Variants in PLEKHA8 observed in about 807,000 individuals in gnomAD.
PLEKHA8 encodes the protein pleckstrin homology domain containing A8.
A neutral mutation model predicts 68.2 loss-of-function variants in PLEKHA8; 36 were observed. The ratio of observed to expected loss-of-function variants is 0.53; its 90% CI spans 0.40 to 0.70. The LOEUF (loss-of-function observed/expected upper bound fraction) is 0.70. Among genes scored for constraint, PLEKHA8 ranks in the 30% least tolerant of loss-of-function variants. The probability of loss-of-function intolerance (pLI) is 0.00; values close to 1 mark genes in which losing one functional copy is unlikely to be tolerated. For synonymous variants in PLEKHA8, 211 were observed against 216.1 expected (o/e 0.98, Z 0.20); for missense variants, 505 against 615.4 (o/e 0.82, Z 1.90).
chr7:30,084,977 C>T (rs184336568), downstream of PLEKHA8, among the ~76,000 whole-genome samples: 178 of 149,462 alleles, frequency 1.2e-3, 1 homozygote, highest in African/African-American at 4.3e-3. Context: ...GGCAGTCTTG[C>T]TCTGTTGCCC....
intron 13 of PLEKHA8, among the ~76,000 whole-genome samples, chr7:30,102,423 A>G (rs1283578869): frequency 6.6e-6 from 1 of 152,186 alleles, no homozygotes; most frequent in African/African-American, 2.4e-5. Context: ...ACTCCTAGGT[A>G]TAGACTCGAG....
chr7:30,044,164 G>A (rs1182404855), intron 1 of PLEKHA8, among the ~76,000 whole-genome samples: 2 of 151,632 alleles, frequency 1.3e-5, no homozygotes, highest in African/African-American at 2.4e-5. Context: ...TTGCCGCCAC[G>A]CCCAGCTAAT....
chr7:30,040,960 C>T (rs1250214177), intron 1 of PLEKHA8, among the ~76,000 whole-genome samples: 1 of 152,150 alleles, frequency 6.6e-6, no homozygotes, highest in Non-Finnish European at 1.5e-5. Context: ...TAGTACAGAC[C>T]AACAGTTTTC....
intron 12 of PLEKHA8, among the ~76,000 whole-genome samples, chr7:30,073,104 C>A (rs1794368811): frequency 2.0e-5 from 3 of 152,078 alleles, no homozygotes; most frequent in Non-Finnish European, 4.4e-5. Flanking sequence ...GTTTCAAAAT[C>A]TCCTTTTAAA....
rs560742511 is a variant in PLEKHA8, at chr7:30,084,014, T to C, written c.*5227T>C. The C allele has an allele frequency of 2.3e-5, 23 of 985,428 alleles. No homozygotes were observed. The African/African-American group carries it at 3.8e-4, about 16-fold the overall frequency. 61.0% of individuals were successfully genotyped at this position (985,428 alleles called of 1,614,324 possible). ...CCAGTTCCATGGCATGTTTAATGTA[T>C]AATTCCCATGTATCATGAGAATTTC... On this transcript the variant is annotated 3_prime_UTR_variant, in exon 14 of 14. Coordinates refer to ENST00000449726, the MANE Select transcript of PLEKHA8 (RefSeq NM_001197026.2).
At chr7:30,055,476 C>T (rs1356176829) in intron 9 of PLEKHA8, 134 bp downstream of exon 9, 14 of 737,768 alleles carry the variant, frequency 1.9e-5, no homozygotes, top group Non-Finnish European at 3.1e-5. Context: ...TCACCAGACA[C>T]ATACAGTTAA....
downstream of PLEKHA8, among the ~76,000 whole-genome samples, chr7:30,093,855 A>C (rs1289030297): frequency 6.6e-6 from 1 of 152,206 alleles, no homozygotes; most frequent in Non-Finnish European, 1.5e-5. Context: ...TGGACTTGGA[A>C]TGGTCAGATT....
intron 13 of PLEKHA8, chr7:30,116,058 A>G (rs1796522333): frequency 1.4e-5 from 2 of 143,934 alleles, no homozygotes; most frequent in South Asian, 2.2e-4. Flanking sequence ...ATACATACGT[A>G]TGCATACGTA....
chr7:30,116,258 A>G (rs964438975), intron 13 of PLEKHA8, among the ~76,000 whole-genome samples: 5 of 151,178 alleles, frequency 3.3e-5, no homozygotes, highest in East Asian at 1.9e-4. Flanking sequence ...GTACACGTAT[A>G]CATGCATACA....
Position 30,126,883 on chromosome 7 carries a change from C to T in PLEKHA8, c.1363-2383C>T, listed in dbSNP as rs181900766. Among the ~76,000 whole-genome samples the T allele has an allele frequency of 3.9e-5, 6 of 152,296 alleles. No homozygotes were observed. In the East Asian group the frequency reaches 1.2e-3, roughly 29 times the overall value. On this transcript the variant is annotated intron_variant, in intron 13 of 13. Transcript: ENST00000396257. ...TTCAATTATCTTCTACTAGGTCCCT[C>T]CCACAACATGTGGGAATTATGGGAG...
intron 13 of PLEKHA8, among the ~76,000 whole-genome samples, chr7:30,104,001 T>C (rs1795969290): frequency 6.6e-6 from 1 of 152,070 alleles, no homozygotes; most frequent in Admixed American, 6.6e-5. Flanking sequence ...TACAACTCAA[T>C]AATAAAAAGA....
At chr7:30,115,377 T>A (rs1796394427) in intron 13 of PLEKHA8, among the ~76,000 whole-genome samples, 1 of 152,194 alleles carries the variant, frequency 6.6e-6, no homozygotes, top group South Asian at 2.1e-4. Context: ...TACCACTACC[T>A]AAAAATGGCC....
intron 1 of PLEKHA8, among the ~76,000 whole-genome samples, chr7:30,036,281 A>AATAG (rs199937331): frequency 0.011 from 1,708 of 152,072 alleles, 15 homozygotes; most frequent in Non-Finnish European, 0.016. Context: ...CAAATAAATA[A>AATAG]ATAGATAGAT....
At chr7:30,115,667 T>C (rs528657631) in intron 13 of PLEKHA8, among the ~76,000 whole-genome samples, 4 of 151,672 alleles carry the variant, frequency 2.6e-5, no homozygotes, top group South Asian at 4.2e-4. Context: ...CATGTATACG[T>C]GTATACATAC....
chr7:30,072,596 G>A (rs1414064300), intron 12 of PLEKHA8, among the ~76,000 whole-genome samples: 1 of 152,220 alleles, frequency 6.6e-6, no homozygotes, highest in Non-Finnish European at 1.5e-5. Context: ...TGTGAACCAC[G>A]TTGCTTTTCA....
intron 1 of PLEKHA8, among the ~76,000 whole-genome samples, chr7:30,029,928 A>G (rs1790530619): frequency 6.6e-6 from 1 of 152,226 alleles, no homozygotes; most frequent in Non-Finnish European, 1.5e-5. Context: ...GCTTAGTGTA[A>G]TTAGCAGTGA....
At chr7:30,036,281 A>C (rs1319496730) in intron 1 of PLEKHA8, among the ~76,000 whole-genome samples, 1 of 151,960 alleles carries the variant, frequency 6.6e-6, no homozygotes, top group African/African-American at 2.4e-5. Flanking sequence ...CAAATAAATA[A>C]ATAGATAGAT....
chr7:30,060,916 A>G lies in PLEKHA8; in HGVS notation c.1072A>G (p.Lys358Glu). ...TGGCCCTACAGTGTTTGCTCCTGTT[A>G]AGATGGATCTTGTTGGAAATATTAA... ...KLGPTVFAPV[K>E]MDLVGNIKKV... Residue 358 changes from lysine (K) to glutamate (E), a missense_variant, in exon 10 of 14, where the codon AAG (lysine) becomes GAG (glutamate). By Grantham distance (56) the Lys-to-Glu change is moderately conservative (BLOSUM62 1). Transcript: ENST00000449726. 1 of 1,613,500 alleles carries G rather than the reference A, an allele frequency of 6.2e-7. No individual in the cohort carries two copies. Among genetic ancestry groups the G allele is most frequent in the East Asian group, 2.2e-5 (1 of 44,826 alleles).
chr7:30,052,896 C>G (rs1340315723), intron 7 of PLEKHA8, 30 bp downstream of exon 7: 1 of 1,530,284 alleles, frequency 6.5e-7, no homozygotes, highest in Non-Finnish European at 8.8e-7. Flanking sequence ...CTGAAACAAA[C>G]CAATTTTAGA....
Sources: allele counts gnomAD v4.1 joint callset (sites outside exome capture counted in the v4.1 genomes callset), GRCh38; gene constraint gnomAD v4.1.1; transcripts MANE v1.5; gene names NCBI Gene and HGNC (gene_info 2026-07-23, HGNC 2026-07-21).